GRIP1: variants seen among roughly 807,000 people sequenced by gnomAD.
GRIP1 encodes the protein glutamate receptor-interacting protein 1.
In GRIP1, 45 loss-of-function variants were observed where a neutral mutation model predicts 129.9. That is an observed-to-expected ratio of 0.35 (90% confidence interval 0.27 to 0.44). The LOEUF (loss-of-function observed/expected upper bound fraction) is 0.44, where lower values mean the gene tolerates loss of function less well. GRIP1 is among the 20% of genes least tolerant of loss of function. GRIP1 has a pLI of 1.00. For missense variants in GRIP1, 1,196 were observed against 1,396.8 expected (o/e 0.86, Z 2.29); for synonymous variants, 530 against 520.8 (o/e 1.02, Z -0.24).
chr12:67,056,480 G>C (rs2043437892), intron 1 of GRIP1, among the ~76,000 whole-genome samples: 4 of 151,840 alleles, frequency 2.6e-5, no homozygotes, highest in Admixed American at 2.6e-4. Flanking sequence ...AAGTATGGTA[G>C]CTCAGGATTC....
intron 13 of GRIP1, among the ~76,000 whole-genome samples, chr12:66,441,162 C>T (rs1036062232): frequency 8.5e-5 from 13 of 152,186 alleles, no homozygotes; most frequent in African/African-American, 2.9e-4. Flanking sequence ...ATGGCCAAAT[C>T]CAAGGGACAT....
upstream of GRIP1, among the ~76,000 whole-genome samples, chr12:66,808,725 A>G (rs2039046457): frequency 2.0e-5 from 3 of 152,220 alleles, no homozygotes; most frequent in South Asian, 6.2e-4. Flanking sequence ...CAATATGGCA[A>G]CTATTGATTA....
chr12:66,873,322 T>C (rs1371328273), intron 1 of GRIP1, among the ~76,000 whole-genome samples: 1 of 152,076 alleles, frequency 6.6e-6, no homozygotes, highest in Non-Finnish European at 1.5e-5. Flanking sequence ...AGTCACACTG[T>C]AGAAGAGCAT....
At chr12:66,948,372 G>A (rs1237251385) in intron 1 of GRIP1, among the ~76,000 whole-genome samples, 1 of 152,096 alleles carries the variant, frequency 6.6e-6, no homozygotes, top group Non-Finnish European at 1.5e-5. Context: ...GCTGTGGCAT[G>A]AATATGCTTC....
At chr12:66,585,024 C>A (rs2063563113) in intron 2 of GRIP1, among the ~76,000 whole-genome samples, 1 of 152,012 alleles carries the variant, frequency 6.6e-6, no homozygotes, top group African/African-American at 2.4e-5. Flanking sequence ...GGATGCACCC[C>A]TGCCTCTTTT....
At chr12:66,943,834 T>A (rs935700783) in intron 1 of GRIP1, among the ~76,000 whole-genome samples, 4 of 152,226 alleles carry the variant, frequency 2.6e-5, no homozygotes, top group Admixed American at 1.3e-4. Flanking sequence ...TATATTTGAC[T>A]CAATATATTC....
rs1244035110 is a variant in GRIP1 at position 66,859,263 on chromosome 12, AAAAAC to A, written c.58+209782_58+209786del. Among the ~76,000 whole-genome samples the A allele has an allele frequency of 2.1e-3, 36 of 17,126 alleles. 1 individual carries two copies. Among genetic ancestry groups the A allele is most frequent in the Non-Finnish European group, 0.015 (15 of 978 alleles). 11.2% of individuals were successfully genotyped at this position (17,126 alleles called of 152,430 possible). A position where few individuals can be genotyped will look rare whatever the true frequency, so the allele number is the denominator to read the frequency against. On this transcript the variant is annotated intron_variant, in intron 1 of 1. Transcript: ENST00000643019. ...AGCATATTCTCCACATTTTCTGAAAAAAAACAAAAAAACAAAAAAACAAAAAAACA... is the reference window on the plus strand; with the variant it reads ...AGCATATTCTCCACATTTTCTGAAAAAAAAAAACAAAAAAACAAAAAAACA...
At chr12:67,005,921 T>C (rs1260530381) in intron 1 of GRIP1, among the ~76,000 whole-genome samples, 1 of 152,156 alleles carries the variant, frequency 6.6e-6, no homozygotes, top group Non-Finnish European at 1.5e-5. Flanking sequence ...ATAAGACTCT[T>C]TGACCAAGTA....
intron 1 of GRIP1, among the ~76,000 whole-genome samples, chr12:66,605,051 T>TTTCATATA (rs1555215196): frequency 1.9e-3 from 266 of 140,282 alleles, no homozygotes; most frequent in African/African-American, 6.2e-3. Flanking sequence ...CAGAAGTCAC[T>TTTCATATA]TATATATATA....
chr12:66,760,638 T>C (rs2037445822), intron 1 of GRIP1, among the ~76,000 whole-genome samples: 1 of 152,122 alleles, frequency 6.6e-6, no homozygotes, highest in African/African-American at 2.4e-5. Context: ...GTGTGGGAAT[T>C]CTGGGAGATA....
chr12:66,640,117 G>A (rs1164111338), intron 1 of GRIP1, among the ~76,000 whole-genome samples: 1 of 152,166 alleles, frequency 6.6e-6, no homozygotes, highest in Non-Finnish European at 1.5e-5. Context: ...AGCTTTAGGT[G>A]CTTGTTCTCT....
intron 1 of GRIP1, among the ~76,000 whole-genome samples, chr12:66,746,512 T>A (rs1254143795): frequency 6.6e-6 from 1 of 152,126 alleles, no homozygotes; most frequent in Non-Finnish European, 1.5e-5. Flanking sequence ...TTGGGGAAAT[T>A]GTGCATGCTA....
chr12:66,663,998 T>C (rs1221538052), intron 1 of GRIP1, among the ~76,000 whole-genome samples: 1 of 152,146 alleles, frequency 6.6e-6, no homozygotes, highest in African/African-American at 2.4e-5. Flanking sequence ...ACCAAATAAA[T>C]TGGGAAAATA....
chr12:66,615,080 A>T (rs1332148501), intron 1 of GRIP1, among the ~76,000 whole-genome samples: 2 of 152,150 alleles, frequency 1.3e-5, no homozygotes, highest in Non-Finnish European at 2.9e-5. Context: ...TGTCTCCCTT[A>T]CTAGAGTATA....
rs543854510 is a variant in GRIP1, at chr12:66,751,092, C to T, written c.-420+52961G>A. The stretch of plus-strand genomic sequence containing the variant: ...TTTAAGTTAAAATAAAAGTAGTGCC[C>T]AAGTGAGAAATTGAGAAAGAATTGT... On this transcript the variant is annotated intron_variant, in intron 1 of 4. Coordinates refer to the GRIP1 transcript ENST00000538373. Among the ~76,000 whole-genome samples, 6 of 151,994 alleles carry T rather than the reference C, an allele frequency of 3.9e-5. No individual in the cohort carries two copies. The East Asian group carries it at 7.7e-4, about 20-fold the overall frequency.
chr12:66,543,278 C>T (rs1408574394), intron 2 of GRIP1, among the ~76,000 whole-genome samples: 2 of 152,146 alleles, frequency 1.3e-5, no homozygotes, highest in Non-Finnish European at 2.9e-5. Flanking sequence ...CATACCATCA[C>T]TGGAATCCTG....
chr12:66,502,227 T>C (rs981856119), intron 7 of GRIP1, among the ~76,000 whole-genome samples: 3 of 152,096 alleles, frequency 2.0e-5, no homozygotes, highest in African/African-American at 7.2e-5. Flanking sequence ...GGCCCAAAGA[T>C]TTTTAAAAAA....
chr12:66,708,679 T>A (rs2035615970), intron 1 of GRIP1, among the ~76,000 whole-genome samples: 1 of 151,948 alleles, frequency 6.6e-6, no homozygotes, highest in South Asian at 2.1e-4. Context: ...CATATACTTT[T>A]TTTATTATAC....
chr12:66,977,808 T>TTTTTCA (rs2042177703), intron 1 of GRIP1, among the ~76,000 whole-genome samples: 1 of 33,522 alleles, frequency 3.0e-5, no homozygotes, highest in Admixed American at 3.5e-4. Context: ...GAGCTGAGCA[T>TTTTTCA]TTTTTTTTTT....
Sources: gnomAD v4.1 joint callset for allele counts (sites outside exome capture counted in the v4.1 genomes callset) on GRCh38, gnomAD v4.1.1 for gene constraint, MANE v1.5 for transcripts, NCBI Gene and HGNC (gene_info 2026-07-23, HGNC 2026-07-21) for gene names.